F8: variants seen among roughly 807,000 people sequenced by gnomAD.
The protein encoded by F8 is antihemophilic factor.
F8 carries 12 observed loss-of-function variants against 140.6 expected under a neutral mutation model. The observed-to-expected ratio is 0.09, with a 90% CI of 0.05 to 0.14. The LOEUF is 0.14. Ranked by LOEUF, F8 falls within the 10% of genes least tolerant of loss-of-function variation. The pLI is 1.00. For synonymous variants in F8, 585 were observed against 614.6 expected, an observed-to-expected ratio of 0.95 and a Z score of 0.71; for missense variants, 1,354 against 1,720.7, an observed-to-expected ratio of 0.79 and a Z score of 3.77.
intron 12 of F8, among the ~76,000 whole-genome samples, chrX:154,948,287 T>C (rs1021340781): frequency 1.8e-5 from 2 of 111,600 alleles, no homozygotes; most frequent in Non-Finnish European, 3.8e-5. Context: ...AGTAGTTACT[T>C]GTACTAGATC....
chrX:154,977,526 T>C (rs2073493434), intron 6 of F8: 1 of 110,267 alleles, frequency 9.1e-6, no homozygotes, highest in Admixed American at 9.7e-5. Flanking sequence ...TTATGAAGGA[T>C]AATTTTGCTG....
At chrX:154,914,996 G>C (rs1327693078) in intron 14 of F8, among the ~76,000 whole-genome samples, 1 of 111,980 alleles carries the variant, frequency 8.9e-6, no homozygotes, top group African/African-American at 3.3e-5. Context: ...AAAGGAAAGA[G>C]GTATAATTGA....
chrX:154,852,210 C>T (rs1484991108), intron 25 of F8, among the ~76,000 whole-genome samples: 3 of 110,904 alleles, frequency 2.7e-5, no homozygotes, highest in African/African-American at 9.8e-5. Context: ...GCTGGGACTA[C>T]AGGTGTGTAC....
intron 14 of F8, among the ~76,000 whole-genome samples, chrX:154,922,837 G>A (rs998470249): frequency 1.2e-4 from 13 of 111,760 alleles, no homozygotes; most frequent in African/African-American, 3.6e-4. Context: ...AAATTTCGTA[G>A]GGTCTTGAAG....
chrX:154,903,887 A>G lies in F8; in HGVS notation c.5998+19T>C. ...AACAAATAGAGTAGGTAGAAGAAAG[A>G]GCACAAACAAGCTCATACCTGGATA... On this transcript the variant is annotated intron_variant, in intron 18 of 25. Coordinates refer to ENST00000360256, the MANE Select transcript of F8 (RefSeq NM_000132.4). The G allele has an allele frequency of 8.4e-7, 1 of 1,197,505 alleles. No homozygotes were observed. Among genetic ancestry groups the G allele is most frequent in the South Asian group, 1.8e-5 (1 of 56,687 alleles).
At chrX:155,009,920 A>T (rs1557286435) in intron 1 of F8, among the ~76,000 whole-genome samples, 5 of 111,135 alleles carry the variant, frequency 4.5e-5, no homozygotes, top group Non-Finnish European at 7.6e-5. Context: ...GAGAAACAAG[A>T]TTGTGAGACA....
At chrX:154,854,883 G>A (rs1450203850) in intron 25 of F8, among the ~76,000 whole-genome samples, 3 of 111,563 alleles carry the variant, frequency 2.7e-5, no homozygotes, top group Non-Finnish European at 5.7e-5. Flanking sequence ...TGTAATCCCA[G>A]CACTTTGGGA....
intron 12 of F8, among the ~76,000 whole-genome samples, chrX:154,949,774 CT>C (rs76555470): frequency 0.12 from 12,575 of 102,942 alleles, 738 homozygotes; most frequent in South Asian, 0.32. Context: ...ATTTCCTCTT[CT>C]TTTTTTTTTT....
intron 14 of F8, among the ~76,000 whole-genome samples, chrX:154,911,608 G>C (rs782755020): frequency 1.8e-5 from 2 of 111,533 alleles, no homozygotes; most frequent in South Asian, 3.7e-4. Flanking sequence ...TTCATCTGTT[G>C]ATGTATACTT....
chrX:154,991,332 G>A (rs2073587248), intron 4 of F8, among the ~76,000 whole-genome samples: 1 of 112,387 alleles, frequency 8.9e-6, no homozygotes, highest in South Asian at 3.7e-4. Flanking sequence ...TTTAATTCAG[G>A]TTAAGGAATA....
intron 25 of F8, among the ~76,000 whole-genome samples, chrX:154,856,623 C>T (rs1338595436): frequency 2.7e-5 from 3 of 111,711 alleles, no homozygotes; most frequent in Non-Finnish European, 5.6e-5. Flanking sequence ...AGAGTCACGG[C>T]CTCTCAATCA....
chrX:154,904,628 T>C lies in F8; in HGVS notation c.5587-104A>G, dbSNP rs782273753. ...TGCCAGTCCAACCTGCCTCCCACCT[T>C]CCAAAAATATAATCCATCCTCTTCA... On this transcript the variant is annotated intron_variant, in intron 16 of 25. Coordinates refer to ENST00000360256, the MANE Select transcript of F8 (RefSeq NM_000132.4). 59 of 800,349 alleles carry C rather than the reference T, an allele frequency of 7.4e-5. 1 individual carries two copies. In the South Asian group the frequency reaches 1.2e-3, roughly 16 times the overall value. 66.0% of individuals were successfully genotyped at this position (800,349 alleles called of 1,213,427 possible).
At chrX:154,972,707 CTTTT>C (rs1184930129) in intron 6 of F8, among the ~76,000 whole-genome samples, 30 of 55,278 alleles carry the variant, frequency 5.4e-4, no homozygotes, top group African/African-American at 1.6e-3. Flanking sequence ...TTCTGTCTTT[CTTTT>C]TTTTTTTTTT....
chrX:154,968,189 G>A (rs1198060146), intron 7 of F8, among the ~76,000 whole-genome samples: 2 of 111,559 alleles, frequency 1.8e-5, no homozygotes, highest in Admixed American at 9.5e-5. Context: ...GGTCATAAGC[G>A]TTCCACCCTC....
chrX:154,956,931 C>A (rs1557281232), intron 11 of F8, 26 bp downstream of exon 11: 1 of 1,161,199 alleles, frequency 8.6e-7, no homozygotes, highest in Non-Finnish European at 1.2e-6. Context: ...GAATGAAACC[C>A]AGCACTTGGA....
rs782459456 is a variant in F8 at position 154,837,760 on chromosome X, A to G, written c.6901-8T>C. ...TTGATTTCCCTGAAAAACCTGAAAG[A>G]GGAAAGATAGCATTTATTGGTTGTC... is the stretch of plus-strand genomic sequence containing the variant. On this transcript the variant is annotated splice_region_variant and splice_polypyrimidine_tract_variant and intron_variant, in intron 25 of 25. Transcript: ENST00000360256. The G allele has an allele frequency of 2.5e-6, 3 of 1,209,527 alleles. No individual in the cohort carries two copies. The highest frequency in any genetic ancestry group is 3.4e-6 in the Non-Finnish European group (3 of 893,238).
Position 154,904,544 on chromosome X carries a change from A to C in F8, c.5587-20T>G. On this transcript the variant is annotated intron_variant, in intron 16 of 25. Transcript: ENST00000360256. ...TTTTTCCTAGGGAGGGAAGACATCAATCCTATGAGTATAAGCTCTCTCACC... is the reference window on the plus strand; with the variant it reads ...TTTTTCCTAGGGAGGGAAGACATCACTCCTATGAGTATAAGCTCTCTCACC... 6 of 1,152,705 alleles carry C rather than the reference A, an allele frequency of 5.2e-6. No individual in the cohort carries two copies. Among genetic ancestry groups the C allele is most frequent in the Non-Finnish European group, 5.9e-6 (5 of 841,830 alleles). The allele number at this position is 1,152,705 out of a possible 1,213,427, so 95.0% of individuals were successfully genotyped here. A position where few individuals can be genotyped will look rare whatever the true frequency, so the allele number is the denominator to read the frequency against.
intron 1 of F8, among the ~76,000 whole-genome samples, chrX:155,012,673 C>A (rs1453236473): frequency 9.2e-6 from 1 of 108,967 alleles, no homozygotes; most frequent in Non-Finnish European, 1.9e-5. Flanking sequence ...ATTCAAATAG[C>A]CCTTTACCTA....
intron 13 of F8, among the ~76,000 whole-genome samples, chrX:154,946,065 A>G (rs2073302363): frequency 8.9e-6 from 1 of 111,964 alleles, no homozygotes; most frequent in Middle Eastern, 4.2e-3. Context: ...AAACTAAAAT[A>G]CTGATAAAGG....
Sources: allele counts gnomAD v4.1 joint callset (sites outside exome capture counted in the v4.1 genomes callset), GRCh38; gene constraint gnomAD v4.1.1; transcripts MANE v1.5; gene names NCBI Gene and HGNC (gene_info 2026-07-23, HGNC 2026-07-21).